Variants in PASD1 observed in about 807,000 individuals in gnomAD.
PASD1 encodes circadian clock protein PASD1.
PASD1 carries 13 observed loss-of-function variants against 58.8 expected under a neutral mutation model. That is an observed-to-expected ratio of 0.22 (90% CI 0.14 to 0.35). The LOEUF (loss-of-function observed/expected upper bound fraction) is 0.35, where lower values mean the gene tolerates loss of function less well. Among genes scored for constraint, PASD1 ranks in the 10% least tolerant of loss-of-function variants. PASD1 has a pLI of 1.00. For synonymous variants in PASD1, 236 were observed against 216.7 expected (o/e 1.09, Z -0.78); for missense variants, 734 against 568.3 (o/e 1.29, Z -2.96).
chrX:151,570,530 G>T (rs1447621254), intron 1 of PASD1, among the ~76,000 whole-genome samples: 1 of 112,596 alleles, frequency 8.9e-6, no homozygotes, highest in Admixed American at 9.4e-5. Context: ...GGGAATGATT[G>T]TAGAGCTCCA....
In PASD1 at chrX:151,676,182, AG is replaced by A. The variant is rs2014543101; in HGVS notation, c.*44del. On this transcript the variant is annotated 3_prime_UTR_variant, in exon 16 of 16. Transcript: ENST00000370357. ...ACCAGTGATGAGGGGAAATGGGGGG[AG>A]GGGGCAGGCCAATGAGGTCTGCATG... 6 of 1,150,117 alleles carry A rather than the reference AG, an allele frequency of 5.2e-6. No individual in the cohort carries two copies. The highest frequency in any genetic ancestry group is 5.8e-6 in the Non-Finnish European group (5 of 856,549). 94.8% of individuals were successfully genotyped at this position (1,150,117 alleles called of 1,213,427 possible).
At chrX:151,637,682 A>T (rs746000417) in intron 8 of PASD1, among the ~76,000 whole-genome samples, 1 of 111,523 alleles carries the variant, frequency 9.0e-6, no homozygotes, top group East Asian at 2.8e-4. Context: ...GGGAGTTATT[A>T]TTGCTTCACT....
chrX:151,626,535 G>C (rs1240560729), intron 8 of PASD1, among the ~76,000 whole-genome samples: 1 of 111,555 alleles, frequency 9.0e-6, no homozygotes, highest in East Asian at 2.8e-4. Context: ...TTTGTATGTA[G>C]TAAGCCACAA....
intron 8 of PASD1, among the ~76,000 whole-genome samples, chrX:151,636,824 C>T (rs747003137): frequency 1.8e-5 from 2 of 111,583 alleles, no homozygotes; most frequent in Non-Finnish European, 3.8e-5. Context: ...ATTCATTCAA[C>T]CACCACCATA....
chrX:151,577,902 T>G (rs1466776335), intron 1 of PASD1, among the ~76,000 whole-genome samples: 1 of 111,878 alleles, frequency 8.9e-6, no homozygotes, highest in East Asian at 2.8e-4. Context: ...GGGAGCACTT[T>G]GAACTGCAAC....
chrX:151,671,027 C>T lies in PASD1; in HGVS notation c.1072-11C>T. 1 of 1,205,610 alleles carries T rather than the reference C, an allele frequency of 8.3e-7. No individual in the cohort carries two copies. The highest frequency in any genetic ancestry group is 1.1e-6 in the Non-Finnish European group (1 of 892,165). On this transcript the variant is annotated splice_polypyrimidine_tract_variant and intron_variant, in intron 11 of 15. Transcript: ENST00000370357. ...TGCTATACATGAACCATAAGTAATTCCTCCCCACAGCCATTACAGCCATCA... is the reference window on the plus strand; with the variant it reads ...TGCTATACATGAACCATAAGTAATTTCTCCCCACAGCCATTACAGCCATCA...
intron 3 of PASD1, among the ~76,000 whole-genome samples, chrX:151,610,646 C>T (rs1389307203): frequency 9.0e-6 from 1 of 111,300 alleles, no homozygotes; most frequent in Non-Finnish European, 1.9e-5. Flanking sequence ...ATTCTTTGAA[C>T]CCTCACTTTA....
At chrX:151,614,010 G>A (rs1275401551) in intron 4 of PASD1, among the ~76,000 whole-genome samples, 1 of 108,385 alleles carries the variant, frequency 9.2e-6, no homozygotes, top group Non-Finnish European at 1.9e-5. Flanking sequence ...TTAAGATTGG[G>A]TCTCACTCTT....
intron 1 of PASD1, among the ~76,000 whole-genome samples, chrX:151,598,979 G>C (rs2013360092): frequency 9.0e-6 from 1 of 111,518 alleles, no homozygotes; most frequent in Non-Finnish European, 1.9e-5. Context: ...GCCTTCCGCA[G>C]TGTTTGTGTC....
At chrX:151,629,276 C>T (rs898494444) in intron 8 of PASD1, among the ~76,000 whole-genome samples, 5 of 110,831 alleles carry the variant, frequency 4.5e-5, no homozygotes, top group Non-Finnish European at 9.4e-5. Context: ...CGTACCACCA[C>T]GCCTGGCTAC....
At chrX:151,568,750 C>A (rs1458372752) in intron 1 of PASD1, among the ~76,000 whole-genome samples, 5 of 112,001 alleles carry the variant, frequency 4.5e-5, no homozygotes, top group Non-Finnish European at 9.4e-5. Context: ...TTAAGCTTGT[C>A]TCCTTGTTAA....
chrX:151,600,233 C>T (rs750420382), intron 1 of PASD1, among the ~76,000 whole-genome samples: 8 of 107,728 alleles, frequency 7.4e-5, no homozygotes, highest in Non-Finnish European at 1.1e-4. Context: ...AGCCTTAGCT[C>T]GGCATCAGAG....
intron 9 of PASD1, among the ~76,000 whole-genome samples, chrX:151,659,290 C>T (rs926762368): frequency 5.2e-4 from 58 of 111,898 alleles, no homozygotes; most frequent in African/African-American, 1.7e-3. Flanking sequence ...ACTGCTGTCC[C>T]ATTTCTCTGT....
intron 1 of PASD1, among the ~76,000 whole-genome samples, chrX:151,573,863 T>C (rs184880048): frequency 2.5e-4 from 28 of 111,954 alleles, no homozygotes; most frequent in Admixed American, 2.4e-3. Context: ...AGTTTTATTG[T>C]GGTGATGCTT....
intron 1 of PASD1, among the ~76,000 whole-genome samples, chrX:151,600,796 G>A (rs751796680): frequency 8.9e-6 from 1 of 111,909 alleles, no homozygotes; most frequent in African/African-American, 3.2e-5. Flanking sequence ...TTAACACCAA[G>A]CACGGGTTCA....
At chrX:151,633,293 CCAGATG>C (rs765581335) in intron 8 of PASD1, among the ~76,000 whole-genome samples, 13 of 111,044 alleles carry the variant, frequency 1.2e-4, no homozygotes, top group Non-Finnish European at 2.3e-4. Context: ...CCACATACAG[CCAGATG>C]ACTCTGTGCT....
intron 1 of PASD1, among the ~76,000 whole-genome samples, chrX:151,596,248 CAA>C (rs1311333948): frequency 8.9e-6 from 1 of 111,888 alleles, no homozygotes; most frequent in Non-Finnish European, 1.9e-5. Context: ...TAGCTTCTGG[CAA>C]GGGATTTTGC....
intron 4 of PASD1, among the ~76,000 whole-genome samples, chrX:151,618,181 A>G (rs1398448157): frequency 1.8e-5 from 2 of 111,950 alleles, no homozygotes; most frequent in African/African-American, 6.5e-5. Context: ...TAATATTTCT[A>G]TCCTTAATCA....
At chrX:151,658,060 C>A (rs1409323695) in intron 9 of PASD1, among the ~76,000 whole-genome samples, 4 of 111,321 alleles carry the variant, frequency 3.6e-5, no homozygotes, top group African/African-American at 9.8e-5. Flanking sequence ...CCCCCTCTCC[C>A]CCTACATATT....
Sources: allele counts gnomAD v4.1 joint callset (sites outside exome capture counted in the v4.1 genomes callset), GRCh38; gene constraint gnomAD v4.1.1; transcripts MANE v1.5; gene names NCBI Gene and HGNC (gene_info 2026-07-23, HGNC 2026-07-21).